The following CD276 variants were observed in gnomAD, a reference collection of about 807,000 sequenced individuals.
The protein encoded by CD276 is CD276 molecule.
CD276 carries 34 observed loss-of-function variants against 50.0 expected under a neutral mutation model. The ratio of observed to expected loss-of-function variants is 0.68; its 90% CI spans 0.52 to 0.91. The LOEUF (loss-of-function observed/expected upper bound fraction) is 0.91. CD276 is among the 40% of genes least tolerant of loss of function. The pLI is 0.00. For synonymous variants in CD276, 275 were observed against 313.0 expected, an observed-to-expected ratio of 0.88 and a Z score of 1.28; for missense variants, 634 against 717.5, an observed-to-expected ratio of 0.88 and a Z score of 1.33.
In CD276 at chr15:73,709,709, TG is replaced by T. The variant is rs1294984081; in HGVS notation, c.1546+22del. The stretch of plus-strand genomic sequence containing the variant: ...AGACAGGTGAGTCTGAACTTGGAGC[TG>T]GCCCTCTTGGCTGGGAGAGGGACAT... On this transcript the variant is annotated intron_variant, in intron 8 of 9. Transcript: ENST00000318443. 1 of 1,607,870 alleles carries T rather than the reference TG, an allele frequency of 6.2e-7. No individual in the cohort carries two copies. The highest frequency in any genetic ancestry group is 1.1e-5 in the South Asian group (1 of 90,110).
intron 1 of CD276, among the ~76,000 whole-genome samples, chr15:73,685,647 A>G (rs1899730556): frequency 6.6e-6 from 1 of 152,184 alleles, no homozygotes; most frequent in African/African-American, 2.4e-5. Flanking sequence ...TATATTAGAA[A>G]GTAATGAAGC....
chr15:73,709,503 T>C, intron 7 of CD276, 145 bp from the exon 8 acceptor site: 1 of 774,446 alleles, frequency 1.3e-6, no homozygotes. Flanking sequence ...GCTCTCGGGC[T>C]CTAACCCGTG....
intron 1 of CD276, among the ~76,000 whole-genome samples, chr15:73,697,324 G>A (rs1900215682): frequency 1.3e-5 from 2 of 151,882 alleles, no homozygotes; most frequent in African/African-American, 4.8e-5. Flanking sequence ...GTTTGGCTGA[G>A]GGACTCCCTT....
chr15:73,702,210 C>T, intron 2 of CD276, 45 bp from the exon 3 acceptor site: 3 of 1,473,596 alleles, frequency 2.0e-6, no homozygotes, highest in Non-Finnish European at 2.7e-6. Flanking sequence ...GAGGCCCACC[C>T]CTCCTCAGTC....
chr15:73,693,667 C>T (rs866798654), intron 1 of CD276, among the ~76,000 whole-genome samples: 2 of 152,016 alleles, frequency 1.3e-5, no homozygotes, highest in South Asian at 2.1e-4. Flanking sequence ...ATGGTGACTT[C>T]GTCAAGGAAG....
intron 1 of CD276, among the ~76,000 whole-genome samples, chr15:73,692,177 G>A (rs1300460349): frequency 2.0e-5 from 3 of 152,106 alleles, no homozygotes; most frequent in South Asian, 2.1e-4. Flanking sequence ...CCAGATAGCC[G>A]AGATGTCTCC....
At position 73,703,792 on chromosome 15, in the gene CD276, C is replaced by T. The variant is rs751841172; in HGVS notation, c.867C>T (p.Asp289=). 54 of 1,613,706 alleles carry T rather than the reference C, an allele frequency of 3.3e-5. No homozygotes were observed. The highest frequency in any genetic ancestry group is 1.7e-4 in the Middle Eastern group (1 of 6,056). ...AQLNLIWQLT[D]TKQLVHSFTE... ...TCAACCTCATCTGGCAGCTGACAGACACCAAACAGCTGGTGCACAGTTTCA... is the reference window on the plus strand; with the variant it reads ...TCAACCTCATCTGGCAGCTGACAGATACCAAACAGCTGGTGCACAGTTTCA... The change falls in exon 5 of 10, where the codon GAC becomes GAT. Residue 289 remains aspartate, a synonymous_variant. Coordinates refer to ENST00000318443, the MANE Select transcript of CD276 (RefSeq NM_001024736.2).
At chr15:73,690,685 T>C (rs1157177910) in intron 1 of CD276, 1 of 455,998 alleles carries the variant, frequency 2.2e-6, no homozygotes, top group East Asian at 7.0e-5. Flanking sequence ...CACCTCTTAA[T>C]ACTGTTACAG....
At chr15:73,684,598 C>T (rs899353242) in intron 1 of CD276, 138 bp downstream of exon 1, 1 of 152,238 alleles carries the variant, frequency 6.6e-6, no homozygotes, top group African/African-American at 2.4e-5. Flanking sequence ...CTCCGGGCTC[C>T]TGCTCCCCTG....
At position 73,696,201 on chromosome 15, in the gene CD276, C is replaced by A. The variant is rs572656484; in HGVS notation, c.-54-3385C>A. On this transcript the variant is annotated intron_variant, in intron 1 of 9. Transcript: ENST00000318443. ...GAGTGGGCACTGGCAGGTGACTCACCGGGACGGGTGGCACATGCTGACTCC... is the reference window on the plus strand; with the variant it reads ...GAGTGGGCACTGGCAGGTGACTCACAGGGACGGGTGGCACATGCTGACTCC... Among the ~76,000 whole-genome samples, 3 of 152,238 alleles carry A rather than the reference C, an allele frequency of 2.0e-5. 1 individual carries two copies. The East Asian group carries it at 5.8e-4, about 29-fold the overall frequency.
At chr15:73,703,597 G>A (rs929824949) in intron 4 of CD276, 62 bp from the exon 5 acceptor site, 8 of 1,309,686 alleles carry the variant, frequency 6.1e-6, no homozygotes, top group South Asian at 4.3e-5. Flanking sequence ...TGGGGGACTC[G>A]GGTGGTAGCC....
At chr15:73,708,538 C>T in intron 7 of CD276, 65 bp downstream of exon 7, 9 of 1,533,584 alleles carry the variant, frequency 5.9e-6, no homozygotes, top group Non-Finnish European at 7.9e-6. Context: ...ATGTTGCTGT[C>T]TTTGATGTCA....
intron 1 of CD276, among the ~76,000 whole-genome samples, chr15:73,686,106 G>T (rs1899750495): frequency 6.6e-6 from 1 of 152,144 alleles, no homozygotes; most frequent in African/African-American, 2.4e-5. Flanking sequence ...TGTTCTGAGG[G>T]GTTGTATGGC....
rs149679033 is a variant in CD276 at position 73,708,406 on chromosome 15, A to G, written c.1437A>G (p.Ala479=). 1,854 of 1,614,098 alleles carry G rather than the reference A, an allele frequency of 1.1e-3. 23 individuals are homozygous for G. In the South Asian group the frequency reaches 0.016, roughly 14 times the overall value. The stretch of plus-strand genomic sequence containing the variant: ...TGGGGCTGTCTGTCTGTCTCATTGC[A>G]CTGCTGGTGGCCCTGGCTTTCGTGT... ...VTVGLSVCLI[A]LLVALAFVCW... is the part of the protein sequence containing the mutation. Residue 479 remains alanine (A), a synonymous_variant, in exon 7 of 10, where the codon GCA becomes GCG. Coordinates refer to ENST00000318443, the MANE Select transcript of CD276 (RefSeq NM_001024736.2).
chr15:73,714,454 A>T lies in CD276; in HGVS notation c.*1498A>T, dbSNP rs1453215178. On this transcript the variant is annotated 3_prime_UTR_variant, in exon 10 of 10. Coordinates refer to ENST00000318443, the MANE Select transcript of CD276 (RefSeq NM_001024736.2). ...TGAGGACTTCTAATTTAAATGTGGG[A>T]CTCGGAGGGATTTTGTAAACTGGGG... 6.6e-6 allele frequency: 1 copy of T among 152,382 alleles called. No homozygotes were observed. The highest frequency in any genetic ancestry group is 1.5e-5 in the Non-Finnish European group (1 of 68,054). 9.4% of individuals were successfully genotyped at this position (152,382 alleles called of 1,614,324 possible).
chr15:73,705,124 A>C (rs1900598227), intron 6 of CD276, among the ~76,000 whole-genome samples: 1 of 152,188 alleles, frequency 6.6e-6, no homozygotes, highest in Non-Finnish European at 1.5e-5. Context: ...CGCAGTCTCC[A>C]TCTGTGTTTG....
In CD276 at chr15:73,713,819, T is replaced by C. The variant is rs763927514; in HGVS notation, c.*863T>C. ...CTCTGCCTTCTCACCTCTTTGTTCC[T>C]TTCTTTTCATGTATCCATTCAGTTG... is the stretch of plus-strand genomic sequence containing the variant. On this transcript the variant is annotated 3_prime_UTR_variant, in exon 10 of 10. Transcript: ENST00000318443. 41 of 444,468 alleles carry C rather than the reference T, an allele frequency of 9.2e-5. No individual in the cohort carries two copies. The highest frequency in any genetic ancestry group is 5.6e-4 in the South Asian group (35 of 62,612). The allele number at this position is 444,468 out of a possible 1,614,324, so 27.5% of individuals were successfully genotyped here. A position where few individuals can be genotyped will look rare whatever the true frequency, so the allele number is the denominator to read the frequency against.
chr15:73,713,331 G>T lies in CD276; in HGVS notation c.*375G>T. On this transcript the variant is annotated 3_prime_UTR_variant, in exon 10 of 10. Transcript: ENST00000318443. The stretch of plus-strand genomic sequence containing the variant: ...TGGCTGCCTTTTTTCTCCAAAAGAT[G>T]CAATATTCAGACTGACTGACCCCCT... The T allele has an allele frequency of 3.6e-6, 1 of 281,100 alleles. No homozygotes were observed. Among genetic ancestry groups the T allele is most frequent in the Non-Finnish European group, 6.7e-6 (1 of 150,210 alleles). The allele number at this position is 281,100 out of a possible 1,614,324, so 17.4% of individuals were successfully genotyped here.
chr15:73,692,180 A>G (rs1877546729), intron 1 of CD276, among the ~76,000 whole-genome samples: 1 of 152,162 alleles, frequency 6.6e-6, no homozygotes, highest in Non-Finnish European at 1.5e-5. Flanking sequence ...GATAGCCGAG[A>G]TGTCTCCTCC....
Sources: allele counts gnomAD v4.1 joint callset (sites outside exome capture counted in the v4.1 genomes callset), GRCh38; gene constraint gnomAD v4.1.1; transcripts MANE v1.5; gene names NCBI Gene and HGNC (gene_info 2026-07-23, HGNC 2026-07-21).